The following OSMR variants were observed in gnomAD, a reference collection of about 807,000 sequenced individuals.
OSMR encodes oncostatin M receptor.
A neutral mutation model predicts 99.9 loss-of-function variants in OSMR; 81 were observed. The ratio of observed to expected loss-of-function variants is 0.81; its 90% confidence interval spans 0.68 to 0.97. OSMR has a LOEUF of 0.97. Among genes scored for constraint, OSMR ranks in the 50% least tolerant of loss-of-function variants. OSMR has a pLI of 0.00. For missense variants in OSMR, 1,099 were observed against 1,153.4 expected (o/e 0.95, Z 0.68); for synonymous variants, 406 against 410.4 (o/e 0.99, Z 0.13).
At chr5:38,858,848 C>G (rs542440047) in intron 1 of OSMR, among the ~76,000 whole-genome samples, 16 of 152,200 alleles carry the variant, frequency 1.1e-4, no homozygotes, top group African/African-American at 3.6e-4. Flanking sequence ...TTTGCATTTC[C>G]TTGATGATTA....
intron 2 of OSMR, among the ~76,000 whole-genome samples, chr5:38,872,850 C>G (rs1742498718): frequency 6.6e-6 from 1 of 151,724 alleles, no homozygotes; most frequent in African/African-American, 2.4e-5. Flanking sequence ...TGGGAAAATC[C>G]AATAAAAATA....
rs1739809357 is a variant in OSMR, at chr5:38,846,357, G to C, written c.-44G>C. 6.6e-6 allele frequency: 1 copy of C among 152,318 alleles called. No homozygotes were observed. The highest frequency in any genetic ancestry group is 6.5e-5 in the Admixed American group (1 of 15,292). 9.4% of individuals were successfully genotyped at this position (152,318 alleles called of 1,614,324 possible). Reference sequence around the variant, plus strand: ...TACCACCTGCGCTCGGACGGCGCTCGGAGGGTCCTCGCCCCCGGCCTGCCT... The same window carrying C: ...TACCACCTGCGCTCGGACGGCGCTCCGAGGGTCCTCGCCCCCGGCCTGCCT... On this transcript the variant is annotated 5_prime_UTR_variant, in exon 1 of 18. Transcript: ENST00000274276.
chr5:38,933,054 T>C lies in OSMR; in HGVS notation c.2550T>C (p.Pro850=), dbSNP rs760689771. ...LLPTEKNHSG[P]GPCICFENLT... ...CAACAGAAAAGAATCACTCTGGCCCTGGCCCCTGCATCTGTTTTGAGAACT... is the reference window on the plus strand; with the variant it reads ...CAACAGAAAAGAATCACTCTGGCCCCGGCCCCTGCATCTGTTTTGAGAACT... The change falls in exon 18 of 18, where the codon CCT becomes CCC. Residue 850 remains proline, a synonymous_variant. Coordinates refer to ENST00000274276, the MANE Select transcript of OSMR (RefSeq NM_003999.3). The C allele has an allele frequency of 6.2e-7, 1 of 1,614,216 alleles. No homozygotes were observed. The highest frequency in any genetic ancestry group is 2.2e-5 in the East Asian group (1 of 44,876).
chr5:38,855,874 C>G (rs1163623856), intron 1 of OSMR, among the ~76,000 whole-genome samples: 2 of 152,144 alleles, frequency 1.3e-5, no homozygotes, highest in Admixed American at 1.3e-4. Context: ...AGAGCAGAAG[C>G]CCAGTTTCTT....
At chr5:38,940,080 GA>G (rs149159011), downstream of OSMR, 2,330 of 202,540 alleles carry the variant, frequency 0.012, 22 homozygotes, top group South Asian at 0.026. Context: ...CAAAGTAAGT[GA>G]TATAGGCAGA....
intron 1 of OSMR, among the ~76,000 whole-genome samples, chr5:38,853,628 T>C (rs1468425270): frequency 6.6e-6 from 1 of 152,254 alleles, no homozygotes; most frequent in Non-Finnish European, 1.5e-5. Flanking sequence ...ACATATTTTT[T>C]GGATTCAGAA....
chr5:38,861,713 A>C (rs1741340232), intron 1 of OSMR, among the ~76,000 whole-genome samples: 2 of 145,818 alleles, frequency 1.4e-5, no homozygotes, highest in Admixed American at 6.8e-5. Context: ...GGCGCCCCTC[A>C]CCTCGCGGAC....
chr5:38,918,330 T>C (rs1746037198), intron 10 of OSMR, among the ~76,000 whole-genome samples: 1 of 152,064 alleles, frequency 6.6e-6, no homozygotes, highest in Non-Finnish European at 1.5e-5. Flanking sequence ...AGAAGTGGGC[T>C]TGGGACTGTG....
At chr5:38,881,532 T>TCAAG in intron 3 of OSMR, 61 bp from the exon 4 acceptor site, 1 of 1,613,652 alleles carries the variant, frequency 6.2e-7, no homozygotes, top group Non-Finnish European at 8.5e-7. Flanking sequence ...ATAAGTCAAG[T>TCAAG]CAAGCTATTT....
chr5:38,895,503 A>G (rs1411683242), intron 7 of OSMR, among the ~76,000 whole-genome samples: 3 of 152,010 alleles, frequency 2.0e-5, no homozygotes, highest in African/African-American at 7.2e-5. Context: ...TATTTTTCCT[A>G]TAGAGTTGTT....
chr5:38,875,680 C>T (rs1742762031), intron 2 of OSMR, among the ~76,000 whole-genome samples: 1 of 152,172 alleles, frequency 6.6e-6, no homozygotes, highest in Admixed American at 6.5e-5. Context: ...TGGTATGTTG[C>T]TGGTCTCATC....
At chr5:38,904,550 G>C (rs1423456173) in intron 9 of OSMR, 47 bp downstream of exon 9, 1 of 1,611,310 alleles carries the variant, frequency 6.2e-7, no homozygotes. Flanking sequence ...GGTCTTAGGA[G>C]TTAGACTGGT....
In OSMR at chr5:38,850,820, A is replaced by G. The variant is rs137873733; in HGVS notation, c.-14+4433A>G. 5.1e-4 allele frequency among the ~76,000 whole-genome samples: 78 copies of G among 152,322 alleles called. 1 individual carries two copies. Among genetic ancestry groups the G allele is most frequent in the African/African-American group, 1.7e-3 (69 of 41,566 alleles). The stretch of plus-strand genomic sequence containing the variant: ...TCTTGGTCACCTCTTTCTACTTTCA[A>G]TCTCCCTAATGGGGGATTTTGAGCA... On this transcript the variant is annotated intron_variant, in intron 1 of 17. Coordinates refer to ENST00000274276, the MANE Select transcript of OSMR (RefSeq NM_003999.3).
chr5:38,888,527 C>T (rs1743947272), intron 7 of OSMR, among the ~76,000 whole-genome samples: 1 of 152,164 alleles, frequency 6.6e-6, no homozygotes, highest in Non-Finnish European at 1.5e-5. Flanking sequence ...CCAAGGACCC[C>T]TTTTAACTCC....
chr5:38,909,835 C>T (rs1023620728), intron 9 of OSMR, among the ~76,000 whole-genome samples: 1 of 152,162 alleles, frequency 6.6e-6, no homozygotes, highest in African/African-American at 2.4e-5. Context: ...TGCATAATAA[C>T]CAGCTAACAA....
At chr5:38,924,737 G>A in intron 14 of OSMR, 142 bp downstream of exon 14, 1 of 786,286 alleles carries the variant, frequency 1.3e-6, no homozygotes. Flanking sequence ...GTGTTCTTAA[G>A]CAAATTAGTA....
intron 7 of OSMR, among the ~76,000 whole-genome samples, chr5:38,895,213 C>T (rs1744429025): frequency 6.6e-6 from 1 of 151,714 alleles, no homozygotes; most frequent in Non-Finnish European, 1.5e-5. Context: ...ACAAACTGAC[C>T]CCAAAGCTAG....
At chr5:38,916,067 T>G (rs1579781813) in intron 9 of OSMR, among the ~76,000 whole-genome samples, 1 of 152,204 alleles carries the variant, frequency 6.6e-6, no homozygotes, top group East Asian at 1.9e-4. Flanking sequence ...CATGACAAAA[T>G]TGTATCAGTA....
intron 12 of OSMR, among the ~76,000 whole-genome samples, chr5:38,922,022 T>G (rs1335116513): frequency 6.6e-6 from 1 of 152,222 alleles, no homozygotes; most frequent in Non-Finnish European, 1.5e-5. Context: ...GAACTGATTT[T>G]CATAAACTTG....
Sources: allele counts gnomAD v4.1 joint callset (sites outside exome capture counted in the v4.1 genomes callset), GRCh38; gene constraint gnomAD v4.1.1; transcripts MANE v1.5; gene names NCBI Gene and HGNC (gene_info 2026-07-23, HGNC 2026-07-21).